The following DAP3 variants were observed in gnomAD, a reference collection of about 807,000 sequenced individuals.
DAP3 encodes the protein death associated protein 3, also known as small ribosomal subunit protein mS29.
Under a neutral mutation model 51.9 loss-of-function variants are expected in DAP3, and 28 were observed. The ratio of observed to expected loss-of-function variants is 0.54; its 90% CI spans 0.40 to 0.74. The LOEUF is 0.74. DAP3 is among the 30% of genes least tolerant of loss of function. The pLI is 0.00. For synonymous variants in DAP3, 170 were observed against 170.3 expected (o/e 1.00, Z 0.01); for missense variants, 458 against 483.5 (o/e 0.95, Z 0.49).
chr1:155,699,340 G>A (rs1199972791), intron 1 of DAP3, among the ~76,000 whole-genome samples: 3 of 152,144 alleles, frequency 2.0e-5, no homozygotes, highest in Non-Finnish European at 4.4e-5. Flanking sequence ...TGCTTCAGAG[G>A]AGCGTCTTTC....
chr1:155,714,473 G>A (rs1657092082), intron 2 of DAP3, among the ~76,000 whole-genome samples: 1 of 152,156 alleles, frequency 6.6e-6, no homozygotes, highest in Admixed American at 6.5e-5. Flanking sequence ...AAGTTAAAAT[G>A]TTATGTGTTG....
At chr1:155,735,275 GAA>G (rs1250282885) in intron 11 of DAP3, among the ~76,000 whole-genome samples, 2 of 145,418 alleles carry the variant, frequency 1.4e-5, no homozygotes, top group Non-Finnish European at 3.0e-5. Flanking sequence ...GAAAAAGAAA[GAA>G]AAAAATAAGT....
At position 155,729,219 on chromosome 1, in the gene DAP3, G is replaced by C; in HGVS notation, c.696G>C (p.Arg232=). 1 of 1,614,220 alleles carries C rather than the reference G, an allele frequency of 6.2e-7. No individual in the cohort carries two copies. The highest frequency in any genetic ancestry group is 1.7e-5 in the Admixed American group (1 of 60,006). The change falls in exon 9 of 13, where the codon CGG becomes CGC. Residue 232 remains arginine, a synonymous_variant. Coordinates refer to ENST00000368336, the MANE Select transcript of DAP3 (RefSeq NM_004632.4). ...GTCTCTCCCAATAGGGCATAACACG[G>C]GTGAGGAACGCCACAGATGCAGTTG... ...LGEVVEQGIT[R]VRNATDAVGI...
chr1:155,702,094 G>C (rs1158768376), intron 1 of DAP3, among the ~76,000 whole-genome samples: 1 of 143,886 alleles, frequency 6.9e-6, no homozygotes, highest in Non-Finnish European at 1.5e-5. Context: ...TCTGTACCTG[G>C]TTGATCATGC....
At chr1:155,701,687 T>TTAAAAAAAAAAAAAAAAAAAAAA (rs1655299606) in intron 1 of DAP3, among the ~76,000 whole-genome samples, 1 of 117,164 alleles carries the variant, frequency 8.5e-6, no homozygotes, top group Non-Finnish European at 1.6e-5. Flanking sequence ...AAAAAATAAA[T>TTAAAAAAAAAAAAAAAAAAAAAA]TAAAAAAAAA....
At chr1:155,725,060 G>A (rs934415355) in intron 4 of DAP3, among the ~76,000 whole-genome samples, 16 of 151,988 alleles carry the variant, frequency 1.1e-4, no homozygotes, top group African/African-American at 3.9e-4. Flanking sequence ...ATTTACAGTG[G>A]CCCTAAGTGG....
intron 4 of DAP3, chr1:155,721,850 C>A: frequency 1.9e-6 from 1 of 527,960 alleles, no homozygotes; most frequent in Non-Finnish European, 3.4e-6. Flanking sequence ...ATTTCAGCAT[C>A]AAATAACTGT....
chr1:155,691,500 CAT>C (rs756391851), intron 1 of DAP3, among the ~76,000 whole-genome samples: 2 of 142,030 alleles, frequency 1.4e-5, no homozygotes, highest in Non-Finnish European at 2.9e-5. Flanking sequence ...AATTGATGGA[CAT>C]GTGAGGTATT....
chr1:155,688,830 C>CAGGGGCA (rs1653188443), upstream of DAP3: 3 of 1,576,410 alleles, frequency 1.9e-6, no homozygotes, highest in African/African-American at 1.4e-5. Flanking sequence ...CCATTCCTGG[C>CAGGGGCA]GGCTGCAGGG....
upstream of DAP3, chr1:155,688,728 GCCA>G: frequency 6.6e-7 from 1 of 1,517,284 alleles, no homozygotes; most frequent in African/African-American, 1.4e-5. Flanking sequence ...CGCCCGCACG[GCCA>G]CCAACCGCCG....
intron 1 of DAP3, among the ~76,000 whole-genome samples, chr1:155,699,214 C>T (rs1432239087): frequency 6.6e-6 from 1 of 152,156 alleles, no homozygotes; most frequent in Non-Finnish European, 1.5e-5. Context: ...ACGTCATACA[C>T]GTAATGTGTA....
rs772402501 is a variant in DAP3, at chr1:155,737,043, A to G, written c.1091A>G (p.Asn364Ser). The G allele has an allele frequency of 1.3e-5, 21 of 1,613,444 alleles. No individual in the cohort carries two copies. In the East Asian group the frequency reaches 4.2e-4, roughly 33 times the overall value. Reference protein sequence around the residue: ...ESCIQYYLENNWLQHEKAPTE... With the variant: ...ESCIQYYLENSWLQHEKAPTE... ...TGTATTCAGTATTATTTGGAAAACA[A>G]TTGGCTTCAACATGAGAAAGGTCCA... The change falls in exon 12 of 13, where the codon AAT becomes AGT. Residue 364 changes from asparagine to serine, a missense_variant. Transcript: ENST00000368336.
At chr1:155,725,335 A>G (rs772959296) in intron 4 of DAP3, 47 bp from the exon 5 acceptor site, 1 of 1,535,640 alleles carries the variant, frequency 6.5e-7, no homozygotes, top group Non-Finnish European at 9.0e-7. Flanking sequence ...CCCCCCACCC[A>G]CTCCTTCCAC....
rs888048231 is a variant in DAP3 at position 155,738,048 on chromosome 1, T to C, written c.1112-109T>C. 1.4e-5 allele frequency: 14 copies of C among 1,030,414 alleles called. No homozygotes were observed. In the African/African-American group the frequency reaches 2.2e-4, roughly 16 times the overall value. 63.8% of individuals were successfully genotyped at this position (1,030,414 alleles called of 1,614,324 possible). A position where few individuals can be genotyped will look rare whatever the true frequency, so the allele number is the denominator to read the frequency against. On this transcript the variant is annotated intron_variant, in intron 12 of 12. Transcript: ENST00000368336. ...AGTAAGATCTCTTGGGAGATGATAA[T>C]TACCTCAGAACGTAATTTGGATATG...
In DAP3 at chr1:155,737,137, C is replaced by G; in HGVS notation, c.1111+74C>G. The G allele has an allele frequency of 2.9e-6, 3 of 1,047,414 alleles. No individual in the cohort carries two copies. In the South Asian group the frequency reaches 3.9e-5, roughly 14 times the overall value. 64.9% of individuals were successfully genotyped at this position (1,047,414 alleles called of 1,614,324 possible). A position where few individuals can be genotyped will look rare whatever the true frequency, so the allele number is the denominator to read the frequency against. On this transcript the variant is annotated intron_variant, in intron 12 of 12. Coordinates refer to ENST00000368336, the MANE Select transcript of DAP3 (RefSeq NM_004632.4). ...TCCCACTCAGTCAGAGCCTTGATCT[C>G]TTCTTCCCTTAACAACAGCCTCTAA... is the stretch of plus-strand genomic sequence containing the variant.
intron 4 of DAP3, chr1:155,721,836 A>G (rs1658058322): frequency 1.9e-6 from 1 of 532,414 alleles, no homozygotes; most frequent in Middle Eastern, 4.9e-4. Flanking sequence ...AGAAGATTCC[A>G]GTAATTTCAG....
rs773568256 is a variant in DAP3 at position 155,738,201 on chromosome 1, G to A, written c.1156G>A (p.Ala386Thr). Residue 386 changes from alanine to threonine, a missense_variant, in exon 13 of 13, where the codon GCG (alanine) becomes ACG (threonine). Transcript: ENST00000368336. ...GKKELLFLSNANPSLLERHCA... is the reference protein window; with the variant it reads ...GKKELLFLSNTNPSLLERHCA... ...AAAAGAGCTGCTGTTCCTAAGTAAC[G>A]CGAACCCCTCGCTGCTGGAGCGGCA... The A allele has an allele frequency of 1.3e-5, 21 of 1,614,086 alleles. No individual in the cohort carries two copies. Among genetic ancestry groups the A allele is most frequent in the Non-Finnish European group, 1.7e-5 (20 of 1,180,040 alleles).
chr1:155,688,496 G>GT, upstream of DAP3: 1 of 1,548,780 alleles, frequency 6.5e-7, no homozygotes, highest in Non-Finnish European at 8.7e-7. Context: ...ACGCGTACGA[G>GT]TGTCTACGGG....
chr1:155,697,876 A>G (rs560320748), intron 1 of DAP3, among the ~76,000 whole-genome samples: 2 of 152,306 alleles, frequency 1.3e-5, no homozygotes, highest in Non-Finnish European at 2.9e-5. Flanking sequence ...CCAACTGCAT[A>G]AGACAGACAC....
Sources: allele counts gnomAD v4.1 joint callset (sites outside exome capture counted in the v4.1 genomes callset), GRCh38; gene constraint gnomAD v4.1.1; transcripts MANE v1.5; gene names NCBI Gene and HGNC (gene_info 2026-07-23, HGNC 2026-07-21).